The following GPHN variants were observed in gnomAD, a reference collection of about 807,000 sequenced individuals.
GPHN encodes the protein gephyrin.
A neutral mutation model predicts 95.5 loss-of-function variants in GPHN; 17 were observed. The ratio of observed to expected loss-of-function variants is 0.18; its 90% CI spans 0.12 to 0.27. The LOEUF is 0.27. Ranked by LOEUF, GPHN falls within the 10% of genes least tolerant of loss-of-function variation. The pLI, the probability that GPHN is intolerant of heterozygous loss-of-function variation, is 1.00. For missense variants in GPHN, 660 were observed against 978.1 expected, an observed-to-expected ratio of 0.67 and a Z score of 4.34; for synonymous variants, 320 against 322.5, an observed-to-expected ratio of 0.99 and a Z score of 0.08.
chr14:66,535,540 G>C (rs2059113480), intron 1 of GPHN, among the ~76,000 whole-genome samples: 1 of 152,104 alleles, frequency 6.6e-6, no homozygotes, highest in Non-Finnish European at 1.5e-5. Context: ...TGAGGCTATA[G>C]ATCAATGTGG....
chr14:67,631,009 T>C, the GPHN span, among the ~76,000 whole-genome samples: 2 of 152,286 alleles, frequency 1.3e-5, no homozygotes, highest in Non-Finnish European at 2.9e-5. Flanking sequence ...CTCCCTATGC[T>C]CTAGACCCCC....
At chr14:67,184,811 G>A (rs770721132), downstream of GPHN, among the ~76,000 whole-genome samples, 1 of 152,150 alleles carries the variant, frequency 6.6e-6, no homozygotes, top group Non-Finnish European at 1.5e-5. Context: ...AGGGTGGATG[G>A]AAAAGATTAT....
the GPHN span, among the ~76,000 whole-genome samples, chr14:67,590,543 G>A: frequency 6.6e-6 from 1 of 152,164 alleles, no homozygotes; most frequent in Non-Finnish European, 1.5e-5. Flanking sequence ...ATTTTTAGTA[G>A]AGACAGGGTT....
intron 17 of GPHN, among the ~76,000 whole-genome samples, chr14:67,127,714 A>G (rs930364873): frequency 6.6e-6 from 1 of 152,242 alleles, no homozygotes; most frequent in Non-Finnish European, 1.5e-5. Flanking sequence ...AAGATACAAA[A>G]TTGAAACAGA....
the GPHN span, among the ~76,000 whole-genome samples, chr14:67,313,924 A>T: frequency 6.6e-6 from 1 of 152,094 alleles, no homozygotes; most frequent in African/African-American, 2.4e-5. Flanking sequence ...ATATATGTTA[A>T]ATTAATGAAT....
intron 2 of GPHN, among the ~76,000 whole-genome samples, chr14:66,752,783 T>C (rs1297170156): frequency 1.3e-5 from 2 of 151,722 alleles, no homozygotes; most frequent in African/African-American, 4.8e-5. Flanking sequence ...AACCTTCAGG[T>C]TGTGAAAAGC....
At chr14:67,362,483 A>G in the GPHN span, among the ~76,000 whole-genome samples, 6 of 152,204 alleles carry the variant, frequency 3.9e-5, no homozygotes, top group African/African-American at 1.4e-4. Context: ...TTACGTATAC[A>G]TGTGATACCC....
the GPHN span, among the ~76,000 whole-genome samples, chr14:67,378,223 A>G: frequency 6.6e-6 from 1 of 151,922 alleles, no homozygotes; most frequent in African/African-American, 2.4e-5. Flanking sequence ...GGGGGAAAAA[A>G]GAGAATGAGT....
At chr14:67,589,119 A>T in the GPHN span, 1 of 154,030 alleles carries the variant, frequency 6.5e-6, no homozygotes, top group Non-Finnish European at 1.4e-5. Flanking sequence ...TAAGGCCAAT[A>T]AGGATAACAT....
the GPHN span, among the ~76,000 whole-genome samples, chr14:67,640,708 G>A: frequency 1.3e-5 from 2 of 152,122 alleles, no homozygotes; most frequent in Admixed American, 6.5e-5. Context: ...TCTGTTCTCT[G>A]ATAGTTCAGA....
At chr14:66,774,214 G>A (rs1484763597) in intron 2 of GPHN, among the ~76,000 whole-genome samples, 1 of 151,786 alleles carries the variant, frequency 6.6e-6, no homozygotes, top group Admixed American at 6.6e-5. Flanking sequence ...ATGTTAGCCA[G>A]GATGGTCTCG....
At chr14:67,586,812 C>CT in the GPHN span, 2 of 1,441,996 alleles carry the variant, frequency 1.4e-6, no homozygotes, top group Non-Finnish European at 1.8e-6. Context: ...GGTTGTAGAG[C>CT]TAACCAGAGC....
At chr14:67,040,919 T>A (rs1247103605) in intron 10 of GPHN, among the ~76,000 whole-genome samples, 1 of 152,170 alleles carries the variant, frequency 6.6e-6, no homozygotes, top group Admixed American at 6.5e-5. Flanking sequence ...AGTTAATGAG[T>A]ACAGTTAATA....
At chr14:67,296,537 GT>G in the GPHN span, among the ~76,000 whole-genome samples, 5 of 137,506 alleles carry the variant, frequency 3.6e-5, no homozygotes, top group African/African-American at 1.4e-4. Flanking sequence ...AGCCAAGATC[GT>G]GCCACTGCAC....
intron 10 of GPHN, among the ~76,000 whole-genome samples, chr14:67,038,626 AC>A (rs1385164554): frequency 6.6e-5 from 10 of 152,112 alleles, no homozygotes; most frequent in Non-Finnish European, 1.2e-4. Flanking sequence ...TAGATTCACC[AC>A]CTACATACCA....
chr14:66,911,949 G>A (rs1306707209), intron 5 of GPHN, among the ~76,000 whole-genome samples: 2 of 151,800 alleles, frequency 1.3e-5, no homozygotes, highest in East Asian at 1.9e-4. Context: ...TACATTTTTC[G>A]ACATTCTCTT....
At chr14:66,758,050 T>A (rs2058626509) in intron 2 of GPHN, among the ~76,000 whole-genome samples, 1 of 152,112 alleles carries the variant, frequency 6.6e-6, no homozygotes, top group South Asian at 2.1e-4. Context: ...TATGTGCTGA[T>A]TGGTTTGTGA....
At chr14:67,607,569 G>A in the GPHN span, among the ~76,000 whole-genome samples, 1 of 152,014 alleles carries the variant, frequency 6.6e-6, no homozygotes, top group African/African-American at 2.4e-5. Context: ...GTTTCACCAT[G>A]TTGGCCAGGA....
chr14:67,030,337 C>T (rs1396107454), intron 10 of GPHN, among the ~76,000 whole-genome samples: 2 of 152,160 alleles, frequency 1.3e-5, no homozygotes, highest in Non-Finnish European at 2.9e-5. Flanking sequence ...TATTCCTCAT[C>T]CTACAAGCAT....
Sources: allele counts gnomAD v4.1 joint callset (sites outside exome capture counted in the v4.1 genomes callset), GRCh38; gene constraint gnomAD v4.1.1; transcripts MANE v1.5; gene names NCBI Gene and HGNC (gene_info 2026-07-23, HGNC 2026-07-21).